PPFIBP2: variants seen among roughly 807,000 people sequenced by gnomAD.
The protein encoded by PPFIBP2 is PPFIB scaffold protein 2, also known as liprin-beta-2.
PPFIBP2 carries 118 observed loss-of-function variants against 118.3 expected under a neutral mutation model. The ratio of observed to expected loss-of-function variants is 1.00; its 90% confidence interval spans 0.86 to 1.16. PPFIBP2 has a LOEUF of 1.16. Ranked by LOEUF, PPFIBP2 falls within the 50% of genes most tolerant of loss-of-function variation. The pLI is 0.00. For synonymous variants in PPFIBP2, 414 were observed against 397.4 expected (o/e 1.04, Z -0.50); for missense variants, 1,195 against 1,073.1 (o/e 1.11, Z -1.59).
chr11:7,651,979 G>T, intron 23 of PPFIBP2, 135 bp downstream of exon 23: 3 of 877,902 alleles, frequency 3.4e-6, no homozygotes, highest in Middle Eastern at 3.6e-4. Flanking sequence ...TTCTGCTGTG[G>T]GCTTGTGGTC....
chr11:7,531,443 G>A lies in PPFIBP2; in HGVS notation c.-37+17322G>A, dbSNP rs550064599. ...AATCTGGCCTCACTAAATGGTCTCG[G>A]TCCAGAGGTGGGATTCGACTTAGAG... On this transcript the variant is annotated intron_variant, in intron 1 of 23. Transcript: ENST00000299492. Among the ~76,000 whole-genome samples the A allele has an allele frequency of 1.1e-4, 16 of 152,302 alleles. No individual in the cohort carries two copies. The East Asian group carries it at 1.3e-3, about 13-fold the overall frequency.
rs367686654 is a variant in PPFIBP2 at position 7,624,041 on chromosome 11, G to A, written c.712-1736G>A. On this transcript the variant is annotated intron_variant, in intron 7 of 23. Coordinates refer to ENST00000299492, the MANE Select transcript of PPFIBP2 (RefSeq NM_003621.5). ...TGCTTCATTATGAACTTTGGAATAA[G>A]GAAACCCTACCCCTTGTCATCTCTT... Among the ~76,000 whole-genome samples, 43 of 152,306 alleles carry A rather than the reference G, an allele frequency of 2.8e-4. 1 individual carries two copies. The highest frequency in any genetic ancestry group is 1.0e-3 in the African/African-American group (42 of 41,566).
intron 14 of PPFIBP2, among the ~76,000 whole-genome samples, chr11:7,638,317 C>T (rs1036476090): frequency 1.3e-5 from 2 of 152,194 alleles, no homozygotes; most frequent in Non-Finnish European, 2.9e-5. Flanking sequence ...GTCTAATCTT[C>T]ACCTCATGGG....
At chr11:7,530,210 T>C (rs767280876) in intron 1 of PPFIBP2, among the ~76,000 whole-genome samples, 6 of 152,220 alleles carry the variant, frequency 3.9e-5, no homozygotes, top group Non-Finnish European at 7.3e-5. Flanking sequence ...TTCTGTCCTC[T>C]TTCTTAACCC....
chr11:7,641,825 C>A (rs11041492), intron 16 of PPFIBP2: 104,588 of 595,184 alleles, frequency 0.18, 11,523 homozygotes, highest in Admixed American at 0.23. Context: ...TATCCAGTTG[C>A]CTTTCATGTC....
chr11:7,541,469 C>T (rs185397383), intron 1 of PPFIBP2, among the ~76,000 whole-genome samples: 5 of 152,270 alleles, frequency 3.3e-5, no homozygotes, highest in Admixed American at 1.3e-4. Context: ...CACCTGACTG[C>T]GCCCTCTATC....
rs76560573 is a variant in PPFIBP2, at chr11:7,514,106, T to G, written c.-52T>G. The G allele has an allele frequency of 0.087, 13,183 of 152,294 alleles. 764 individuals are homozygous for G. The highest frequency in any genetic ancestry group is 0.16 in the African/African-American group (6,455 of 41,500). 9.4% of individuals were successfully genotyped at this position (152,294 alleles called of 1,614,324 possible). A position where few individuals can be genotyped will look rare whatever the true frequency, so the allele number is the denominator to read the frequency against. ...CACCTGAGCCGCCCGGAGAGGAGCC[T>G]CGGCCCCGTACCCAGGTCAGTGGGC... is the stretch of plus-strand genomic sequence containing the variant. On this transcript the variant is annotated 5_prime_UTR_variant, in exon 1 of 24. Transcript: ENST00000299492.
In PPFIBP2 at chr11:7,605,866, A is replaced by G. The variant is rs74448370; in HGVS notation, c.487-4425A>G. Reference sequence around the variant, plus strand: ...ACATTCTGGATACACGTGAGATCCAAGTGGTGACTGTGCTACTGAGAAGCT... The same window carrying G: ...ACATTCTGGATACACGTGAGATCCAGGTGGTGACTGTGCTACTGAGAAGCT... On this transcript the variant is annotated intron_variant, in intron 5 of 23. Coordinates refer to ENST00000299492, the MANE Select transcript of PPFIBP2 (RefSeq NM_003621.5). The G allele has an allele frequency of 4.8e-6, 7 of 1,462,686 alleles. No homozygotes were observed. The East Asian group carries it at 1.5e-4, about 32-fold the overall frequency. The allele number at this position is 1,462,686 out of a possible 1,614,324, so 90.6% of individuals were successfully genotyped here.
chr11:7,633,047 G>A, intron 12 of PPFIBP2, 113 bp downstream of exon 12: 1 of 923,278 alleles, frequency 1.1e-6, no homozygotes, highest in Non-Finnish European at 1.7e-6. Context: ...AGTCCTAGGT[G>A]CACCTGCCCC....
intron 1 of PPFIBP2, among the ~76,000 whole-genome samples, chr11:7,522,411 G>A (rs888514650): frequency 1.3e-5 from 2 of 152,144 alleles, no homozygotes; most frequent in Non-Finnish European, 1.5e-5. Context: ...AGGGAGCCTC[G>A]GGTAGTTTCT....
chr11:7,648,127 A>C (rs1412027568), intron 17 of PPFIBP2: 2 of 414,362 alleles, frequency 4.8e-6, no homozygotes, highest in Non-Finnish European at 8.7e-6. Context: ...CAGGAGGGCC[A>C]TACAGGCTGC....
chr11:7,654,080 C>G (rs1854460355), downstream of PPFIBP2, among the ~76,000 whole-genome samples: 2 of 152,194 alleles, frequency 1.3e-5, no homozygotes, highest in African/African-American at 4.8e-5. Flanking sequence ...CATGAGCCCC[C>G]CCAGTGAAGG....
At chr11:7,653,854 C>A, downstream of PPFIBP2, 1 of 1,126,840 alleles carries the variant, frequency 8.9e-7, no homozygotes, top group Non-Finnish European at 1.1e-6. Context: ...GAGCCGGTGG[C>A]ACTGAGCCTA....
chr11:7,611,071 G>A (rs1333251005), intron 6 of PPFIBP2, among the ~76,000 whole-genome samples: 1 of 152,176 alleles, frequency 6.6e-6, no homozygotes, highest in Admixed American at 6.5e-5. Context: ...GTCTTCCTGT[G>A]CCTCTACCTT....
At chr11:7,612,071 G>C (rs1229047775) in intron 6 of PPFIBP2, among the ~76,000 whole-genome samples, 2 of 152,194 alleles carry the variant, frequency 1.3e-5, no homozygotes, top group East Asian at 3.8e-4. Context: ...AGAGAAAAAG[G>C]GAGGAGAGAG....
chr11:7,658,302 C>G (rs1422065497), downstream of PPFIBP2, among the ~76,000 whole-genome samples: 1 of 115,356 alleles, frequency 8.7e-6, no homozygotes, highest in Non-Finnish European at 1.7e-5. Flanking sequence ...CCCCCTCCCC[C>G]CACCCCACAA....
intron 1 of PPFIBP2, among the ~76,000 whole-genome samples, chr11:7,547,192 T>C (rs1852420768): frequency 6.6e-6 from 1 of 152,238 alleles, no homozygotes; most frequent in African/African-American, 2.4e-5. Context: ...GGAAGCCCTC[T>C]CTGATACTTT....
chr11:7,641,165 C>A, intron 15 of PPFIBP2: 1 of 1,003,712 alleles, frequency 1.0e-6, no homozygotes, highest in Non-Finnish European at 1.4e-6. Flanking sequence ...CCCACTACTG[C>A]CTGCGTTCCT....
At chr11:7,532,554 G>A (rs1850793006) in intron 1 of PPFIBP2, among the ~76,000 whole-genome samples, 1 of 152,204 alleles carries the variant, frequency 6.6e-6, no homozygotes. Flanking sequence ...TCAGCTCCAG[G>A]CCGAGCTGTT....
Sources: allele counts gnomAD v4.1 joint callset (sites outside exome capture counted in the v4.1 genomes callset), GRCh38; gene constraint gnomAD v4.1.1; transcripts MANE v1.5; gene names NCBI Gene and HGNC (gene_info 2026-07-23, HGNC 2026-07-21).